Variants in SPEN observed in about 807,000 individuals in gnomAD.
SPEN encodes the protein msx2-interacting protein.
In SPEN, 18 loss-of-function variants were observed where a neutral mutation model predicts 269.9. That is an observed-to-expected ratio of 0.07 (90% CI 0.05 to 0.10). The LOEUF is 0.10. Ranked by LOEUF, SPEN falls within the 10% of genes least tolerant of loss-of-function variation. The pLI, the probability that SPEN is intolerant of heterozygous loss-of-function variation, is 1.00. For missense variants in SPEN, 3,822 were observed against 4,631.2 expected (o/e 0.83, Z 5.07); for synonymous variants, 1,726 against 1,765.7 (o/e 0.98, Z 0.56).
chr1:15,849,627 G>A (rs1172119764), intron 1 of SPEN, among the ~76,000 whole-genome samples: 1 of 151,936 alleles, frequency 6.6e-6, no homozygotes, highest in Non-Finnish European at 1.5e-5. Context: ...GGGGCGGGGG[G>A]AGGCAGGGAG....
intron 11 of SPEN, among the ~76,000 whole-genome samples, chr1:15,936,475 G>A (rs1276131897): frequency 6.7e-6 from 1 of 149,668 alleles, no homozygotes; most frequent in East Asian, 2.0e-4. Flanking sequence ...ACCCCATCTC[G>A]TACAAAAAAA....
chr1:15,933,375 G>A lies in SPEN; in HGVS notation c.7135G>A (p.Glu2379Lys), dbSNP rs186683366. 120 of 1,614,080 alleles carry A rather than the reference G, an allele frequency of 7.4e-5. No individual in the cohort carries two copies. The Admixed American group carries it at 1.3e-3, about 17-fold the overall frequency. The change falls in exon 11 of 15, where the codon GAA becomes AAA. Residue 2379 changes from glutamate to lysine, a missense_variant. Transcript: ENST00000375759. This position sits in a 1 kb window ranked among gnomAD's most constrained non-coding sequence, Gnocchi z 5.7. The part of the protein sequence containing the change: ...ANEGTTVQHP[E>K]APQEEKQSEK... The stretch of plus-strand genomic sequence containing the variant: ...TGAGGGGACAACAGTACAGCACCCC[G>A]AAGCCCCACAGGAAGAAAAGCAGAG...
intron 3 of SPEN, among the ~76,000 whole-genome samples, chr1:15,904,228 A>C: frequency 6.6e-6 from 1 of 151,750 alleles, no homozygotes; most frequent in East Asian, 2.0e-4. Flanking sequence ...CTGTAATCCC[A>C]GCACTTTGGG....
Position 15,860,842 on chromosome 1 carries a change from C to T in SPEN, c.84-11974C>T, listed in dbSNP as rs576592568. 7.9e-5 allele frequency among the ~76,000 whole-genome samples: 12 copies of T among 152,024 alleles called. No individual in the cohort carries two copies. In the South Asian group the frequency reaches 1.7e-3, roughly 21 times the overall value. ...GTCTCGATAACCTGACCTTGTCATC[C>T]GCCTGCCTCGGCCTCCCAAAGTGCC... is the stretch of plus-strand genomic sequence containing the variant. On this transcript the variant is annotated intron_variant, in intron 1 of 14. Coordinates refer to ENST00000375759, the MANE Select transcript of SPEN (RefSeq NM_015001.3).
intron 3 of SPEN, among the ~76,000 whole-genome samples, chr1:15,906,049 C>T (rs1286509699): frequency 1.3e-5 from 2 of 152,146 alleles, no homozygotes; most frequent in Non-Finnish European, 2.9e-5. Context: ...AGTCACATAA[C>T]ATATTCTATA....
At chr1:15,850,189 G>T (rs767340098) in intron 1 of SPEN, among the ~76,000 whole-genome samples, 1 of 152,132 alleles carries the variant, frequency 6.6e-6, no homozygotes, top group African/African-American at 2.4e-5. Context: ...ATGCACAGAG[G>T]GAGGAGGGGG....
chr1:15,919,672 A>T (rs1030067641), intron 8 of SPEN, among the ~76,000 whole-genome samples, 155 bp downstream of exon 8: 3 of 152,232 alleles, frequency 2.0e-5, no homozygotes, highest in Non-Finnish European at 2.9e-5. Context: ...GGGCATTTGC[A>T]TCTGTTGCCT....
chr1:15,848,168 C>G lies in SPEN; in HGVS notation c.83+18C>G, dbSNP rs202027212. 3.5e-6 allele frequency: 5 copies of G among 1,439,106 alleles called. No homozygotes were observed. The highest frequency in any genetic ancestry group is 4.6e-6 in the Non-Finnish European group (5 of 1,079,544). The allele number at this position is 1,439,106 out of a possible 1,614,324, so 89.1% of individuals were successfully genotyped here. A position where few individuals can be genotyped will look rare whatever the true frequency, so the allele number is the denominator to read the frequency against. On this transcript the variant is annotated intron_variant, in intron 1 of 14. Transcript: ENST00000375759. The surrounding 1 kb of genome is among the most constrained non-coding windows in gnomAD (Gnocchi z 5.1). ...TTCAAACGGTGAGTGACACGAGGCC[C>G]GCGGCCGCGCTCGCTCCTCGGGCGC...
At position 15,932,179 on chromosome 1, in the gene SPEN, G is replaced by A. The variant is rs769752106; in HGVS notation, c.5939G>A (p.Gly1980Glu). 1.2e-6 allele frequency: 2 copies of A among 1,612,206 alleles called. No individual in the cohort carries two copies. The highest frequency in any genetic ancestry group is 1.7e-6 in the Non-Finnish European group (2 of 1,179,452). ...GCAGAAACACTCAAGCCACCTGAGG[G>A]ATGGCGGTCGCCAAGGTCCCAGAAA... is the stretch of plus-strand genomic sequence containing the variant. ...EPAETLKPPE[G>E]WRSPRSQKTA... The change falls in exon 11 of 15, where the codon GGA becomes GAA. Residue 1980 changes from glycine (G) to glutamate (E), a missense_variant. By Grantham distance (98) the Gly-to-Glu change is moderately conservative. Coordinates refer to ENST00000375759, the MANE Select transcript of SPEN (RefSeq NM_015001.3). The surrounding 1 kb of genome is among the most constrained non-coding windows in gnomAD (Gnocchi z 4.2).
In SPEN at chr1:15,931,067, A is replaced by T. The variant is rs139671958; in HGVS notation, c.4827A>T (p.Lys1609Asn). The T allele has an allele frequency of 2.5e-6, 4 of 1,613,644 alleles. No individual in the cohort carries two copies. The African/African-American group carries it at 5.3e-5, about 22-fold the overall frequency. The change falls in exon 11 of 15, where the codon AAA becomes AAT. Residue 1609 changes from lysine (K) to asparagine (N), a missense_variant. Around this residue, in one of 16 missense-constraint regions of SPEN, gnomAD observed 533 missense variants for 618.8 expected, o/e 0.86. Transcript: ENST00000375759. The surrounding 1 kb of genome is among the most constrained non-coding windows in gnomAD (Gnocchi z 4.8). ...EKDQKPKEVEKQEDTENHPKT... is the reference protein window; with the variant it reads ...EKDQKPKEVENQEDTENHPKT... ...ACCAGAAACCCAAAGAGGTTGAGAA[A>T]CAGGAAGATACAGAGAATCATCCCA...
Position 15,930,099 on chromosome 1 carries a change from T to G in SPEN, c.3859T>G (p.Ser1287Ala), listed in dbSNP as rs995467467. The change falls in exon 11 of 15, where the codon TCT (serine) becomes GCT (alanine). Residue 1287 changes from serine to alanine, a missense_variant. By Grantham distance (99) the Ser-to-Ala change is moderately conservative. Around this residue, in one of 16 missense-constraint regions of SPEN, gnomAD observed 267 missense variants for 315.5 expected, o/e 0.85. Transcript: ENST00000375759. The surrounding 1 kb of genome is among the most constrained non-coding windows in gnomAD (Gnocchi z 5.3). ...GSPRLLSVKG[S>A]PKVDEKVLPY... Reference sequence around the variant, plus strand: ...CCCTAGGCTACTGTCAGTAAAAGGGTCTCCTAAAGTAGATGAAAAAGTCCT... The same window carrying G: ...CCCTAGGCTACTGTCAGTAAAAGGGGCTCCTAAAGTAGATGAAAAAGTCCT... The G allele has an allele frequency of 3.1e-6, 5 of 1,614,044 alleles. No individual in the cohort carries two copies. The highest frequency in any genetic ancestry group is 4.2e-6 in the Non-Finnish European group (5 of 1,180,010).
Position 15,931,491 on chromosome 1 carries a change from C to G in SPEN, c.5251C>G (p.Pro1751Ala), listed in dbSNP as rs1219752034. The G allele has an allele frequency of 6.2e-7, 1 of 1,614,146 alleles. No homozygotes were observed. Among genetic ancestry groups the G allele is most frequent in the South Asian group, 1.1e-5 (1 of 91,076 alleles). ...TTCCCAGGCAGAGAGCAACGTAGATCCAGAGCCTGACAGTACCCAGCCACT... is the reference window on the plus strand; with the variant it reads ...TTCCCAGGCAGAGAGCAACGTAGATGCAGAGCCTGACAGTACCCAGCCACT... ...SFSQAESNVD[P>A]EPDSTQPLSK... Residue 1751 changes from proline to alanine, a missense_variant, in exon 11 of 15, where the codon CCA becomes GCA. Coordinates refer to ENST00000375759, the MANE Select transcript of SPEN (RefSeq NM_015001.3). The surrounding 1 kb of genome is among the most constrained non-coding windows in gnomAD (Gnocchi z 4.8).
rs1343109978 is a variant in SPEN at position 15,884,240 on chromosome 1, A to AT, written c.881+7570dup. Among the ~76,000 whole-genome samples, 6 of 151,972 alleles carry AT rather than the reference A, an allele frequency of 3.9e-5. No individual in the cohort carries two copies. In the East Asian group the frequency reaches 5.8e-4, roughly 15 times the overall value. On this transcript the variant is annotated intron_variant, in intron 3 of 14. Transcript: ENST00000375759. ...GAAAGTCTGCAGTCTAATAAGAAGC[A>AT]TTTTTTTTCTGTAAAGACCAAATCT...
rs779933401 is a variant in SPEN at position 15,935,327 on chromosome 1, T to G, written c.9087T>G (p.Ser3029Arg). The G allele has an allele frequency of 1.4e-5, 23 of 1,614,080 alleles. No homozygotes were observed. The highest frequency in any genetic ancestry group is 1.8e-5 in the Non-Finnish European group (21 of 1,179,998). Reference protein sequence around the residue: ...AKLDAHSPRPSGPGPSSFPRA... With the variant: ...AKLDAHSPRPRGPGPSSFPRA... ...TAGATGCTCATTCTCCTCGACCAAGTGGACCCGGGCCATCCTCATTCCCAA... is the reference window on the plus strand; with the variant it reads ...TAGATGCTCATTCTCCTCGACCAAGGGGACCCGGGCCATCCTCATTCCCAA... The change falls in exon 11 of 15, where the codon AGT becomes AGG. Residue 3029 changes from serine (S) to arginine (R), a missense_variant. By Grantham distance (110) the Ser-to-Arg change is moderately radical. Coordinates refer to ENST00000375759, the MANE Select transcript of SPEN (RefSeq NM_015001.3). This position sits in a 1 kb window ranked among gnomAD's most constrained non-coding sequence, Gnocchi z 7.7.
intron 3 of SPEN, among the ~76,000 whole-genome samples, chr1:15,904,945 A>G (rs551321337): frequency 4.0e-5 from 6 of 150,234 alleles, no homozygotes; most frequent in South Asian, 2.1e-4. Flanking sequence ...CTGGAGTGCA[A>G]TGGCGCAACC....
intron 3 of SPEN, among the ~76,000 whole-genome samples, chr1:15,902,055 A>G (rs112163175): frequency 0.086 from 12,956 of 151,252 alleles, 639 homozygotes; most frequent in African/African-American, 0.12. Context: ...TAGCCTCCCA[A>G]GTAGCTGGGA....
rs575652636 is a variant in SPEN, at chr1:15,873,269, G to A, written c.404+133G>A. The A allele has an allele frequency of 2.1e-3, 2,976 of 1,403,840 alleles. 5 individuals carry two copies. Among genetic ancestry groups the A allele is most frequent in the Non-Finnish European group, 2.6e-3 (2,786 of 1,078,026 alleles). 87.0% of individuals were successfully genotyped at this position (1,403,840 alleles called of 1,614,324 possible). On this transcript the variant is annotated intron_variant, in intron 2 of 14. Transcript: ENST00000375759. ...TGTTTCCTATTTTGGGTTGGAAACG[G>A]AAGTGATTTATATCCCAATGGCTGG...
chr1:15,877,240 G>A (rs1235459590), intron 3 of SPEN, among the ~76,000 whole-genome samples: 1 of 152,086 alleles, frequency 6.6e-6, no homozygotes, highest in Non-Finnish European at 1.5e-5. Context: ...TCTGTAAACT[G>A]ATCTCACTAG....
At position 15,873,026 on chromosome 1, in the gene SPEN, A is replaced by C. The variant is rs1184998289; in HGVS notation, c.294A>C (p.Ala98=). The change falls in exon 2 of 15, where the codon GCA becomes GCC. Residue 98 remains alanine, a synonymous_variant. Transcript: ENST00000375759. ...ARGLDDTVSI[A]SRSREVSGFR... ...GATTGGATGATACAGTTTCCATAGCATCTCGTAGTAGAGAGGTTTCTGGGT... is the reference window on the plus strand; with the variant it reads ...GATTGGATGATACAGTTTCCATAGCCTCTCGTAGTAGAGAGGTTTCTGGGT... 6.2e-7 allele frequency: 1 copy of C among 1,614,160 alleles called. No homozygotes were observed. The highest frequency in any genetic ancestry group is 8.5e-7 in the Non-Finnish European group (1 of 1,180,042).
Sources: allele counts gnomAD v4.1 joint callset (sites outside exome capture counted in the v4.1 genomes callset), GRCh38; gene constraint gnomAD v4.1.1; regional missense constraint gnomAD v4.1.1; non-coding constraint Gnocchi (gnomAD v3.1); transcripts MANE v1.5; gene names NCBI Gene and HGNC (gene_info 2026-07-23, HGNC 2026-07-21).